The following FLOT1 variants were observed in gnomAD, a reference collection of about 807,000 sequenced individuals.
FLOT1 encodes flotillin 1.
FLOT1 carries 40 observed loss-of-function variants against 58.4 expected under a neutral mutation model. The observed-to-expected ratio is 0.69, with a 90% confidence interval of 0.53 to 0.89. The LOEUF (loss-of-function observed/expected upper bound fraction) is 0.89. FLOT1 is among the 40% of genes least tolerant of loss of function. The pLI, the probability that FLOT1 is intolerant of heterozygous loss-of-function variation, is 0.00. For synonymous variants in FLOT1, 178 were observed against 204.2 expected (o/e 0.87, Z 1.09); for missense variants, 423 against 540.8 (o/e 0.78, Z 2.16).
In FLOT1 at chr6:30,742,399, G is replaced by C. The variant is rs1217889763; in HGVS notation, c.-15+128C>G. ...CCCCAGCTACCTCTTCTCCGCCTGC[G>C]TATGGTCCCTCCCTTCCCCTCGCCG... On this transcript the variant is annotated intron_variant, in intron 1 of 12. Coordinates refer to ENST00000376389, the MANE Select transcript of FLOT1 (RefSeq NM_005803.4). This position sits in a 1 kb window ranked among gnomAD's most constrained non-coding sequence, Gnocchi z 5.2. 1 of 612,358 alleles carries C rather than the reference G, an allele frequency of 1.6e-6. No homozygotes were observed. Among genetic ancestry groups the C allele is most frequent in the Admixed American group, 2.9e-5 (1 of 34,164 alleles). The allele number at this position is 612,358 out of a possible 1,614,324, so 37.9% of individuals were successfully genotyped here. A position where few individuals can be genotyped will look rare whatever the true frequency, so the allele number is the denominator to read the frequency against.
chr6:30,727,859 A>C lies in FLOT1; in HGVS notation c.*257T>G, dbSNP rs1306800504. 2.2e-5 allele frequency: 13 copies of C among 590,970 alleles called. No homozygotes were observed. The Admixed American group carries it at 3.8e-4, about 17-fold the overall frequency. The allele number at this position is 590,970 out of a possible 1,614,324, so 36.6% of individuals were successfully genotyped here. On this transcript the variant is annotated 3_prime_UTR_variant, in exon 13 of 13. Coordinates refer to ENST00000376389, the MANE Select transcript of FLOT1 (RefSeq NM_005803.4). ...ACAGTCTGATTTAATTAGGAAGTTAAATAAGTTGAGGTGGGGTGGAGTGGG... is the reference window on the plus strand; with the variant it reads ...ACAGTCTGATTTAATTAGGAAGTTACATAAGTTGAGGTGGGGTGGAGTGGG...
rs113905298 is a variant in FLOT1, at chr6:30,728,988, C to T, written c.1255-843G>A. Among the ~76,000 whole-genome samples, 469 of 152,020 alleles carry T rather than the reference C, an allele frequency of 3.1e-3. 2 individuals carry two copies. The highest frequency in any genetic ancestry group is 0.01 in the African/African-American group (424 of 41,454). ...AGAGACGGGGTTTCACTGTGTTAGCCAGGATGGTCTCAATCTCCTGACCTC... is the reference window on the plus strand; with the variant it reads ...AGAGACGGGGTTTCACTGTGTTAGCTAGGATGGTCTCAATCTCCTGACCTC... On this transcript the variant is annotated intron_variant, in intron 12 of 12. Transcript: ENST00000376389.
rs1215746376 is a variant in FLOT1, at chr6:30,741,303, A to G, written c.241T>C (p.Leu81=). The G allele has an allele frequency of 3.1e-6, 5 of 1,613,096 alleles. No homozygotes were observed. The highest frequency in any genetic ancestry group is 4.2e-6 in the Non-Finnish European group (5 of 1,180,030). The change falls in exon 5 of 13, where the codon TTG becomes CTG. Residue 81 remains leucine, a synonymous_variant. Transcript: ENST00000376389. The surrounding 1 kb of genome is among the most constrained non-coding windows in gnomAD (Gnocchi z 5.9). ...AGGAACATCTGACAGGCGGCCGCCAACATCTCCTTGTTCTGCCCCTGGATT... is the reference window on the plus strand; with the variant it reads ...AGGAACATCTGACAGGCGGCCGCCAGCATCTCCTTGTTCTGCCCCTGGATT... ...VKIQGQNKEM[L]AAACQMFLGK...
In FLOT1 at chr6:30,727,922, A is replaced by C; in HGVS notation, c.*194T>G. On this transcript the variant is annotated 3_prime_UTR_variant, in exon 13 of 13. Coordinates refer to ENST00000376389, the MANE Select transcript of FLOT1 (RefSeq NM_005803.4). ...CTGACATGGGACCGCTGGAGTTGGC[A>C]ATCATAGCAGTGTGAGGTTGGCAAG... 1 of 631,304 alleles carries C rather than the reference A, an allele frequency of 1.6e-6. No homozygotes were observed. Among genetic ancestry groups the C allele is most frequent in the South Asian group, 1.8e-5 (1 of 55,824 alleles). 39.1% of individuals were successfully genotyped at this position (631,304 alleles called of 1,614,324 possible).
Position 30,731,045 on chromosome 6 carries a change from T to C in FLOT1, c.779A>G (p.Glu260Gly), listed in dbSNP as rs760889017. The C allele has an allele frequency of 6.2e-7, 1 of 1,611,688 alleles. No individual in the cohort carries two copies. Among genetic ancestry groups the C allele is most frequent in the Non-Finnish European group, 8.5e-7 (1 of 1,179,904 alleles). Residue 260 changes from glutamate (E) to glycine (G), a missense_variant, in exon 9 of 13, where the codon GAG becomes GGG. This residue lies in a region of FLOT1 where 137 missense variants were observed against 194.6 expected (regional missense o/e 0.70). Coordinates refer to ENST00000376389, the MANE Select transcript of FLOT1 (RefSeq NM_005803.4). Reference sequence around the variant, plus strand: ...CTGCACTGCCACCTGCTGGGCCCGCTCCACCACCTGCACCTGCACCCGCTG... The same window carrying C: ...CTGCACTGCCACCTGCTGGGCCCGCCCCACCACCTGCACCTGCACCCGCTG... ...EEQRVQVQVVERAQQVAVQEQ... is the reference protein window; with the variant it reads ...EEQRVQVQVVGRAQQVAVQEQ...
At chr6:30,740,965 G>A in intron 5 of FLOT1, 167 bp from the exon 6 acceptor site, 1 of 1,160,844 alleles carries the variant, frequency 8.6e-7, no homozygotes, top group African/African-American at 1.6e-5. Context: ...TTTTGTATTT[G>A]TAGTAGAGAA....
rs1352246827 is a variant in FLOT1 at position 30,737,118 on chromosome 6, CCT to C, written c.723+3038_723+3039del. ...ACCAGCGCCCCCAGATCAGAAACCT[CCT>C]TTCTGACTCCACCTCACAGCCTTTG... On this transcript the variant is annotated intron_variant, in intron 8 of 12. Coordinates refer to ENST00000376389, the MANE Select transcript of FLOT1 (RefSeq NM_005803.4). The surrounding 1 kb of genome is among the most constrained non-coding windows in gnomAD (Gnocchi z 4.4). Among the ~76,000 whole-genome samples the C allele has an allele frequency of 6.6e-6, 1 of 152,054 alleles. No homozygotes were observed. Among genetic ancestry groups the C allele is most frequent in the Non-Finnish European group, 1.5e-5 (1 of 68,010 alleles).
chr6:30,728,328 TGAAGA>T (rs937448671), intron 12 of FLOT1, among the ~76,000 whole-genome samples, 183 bp from the exon 13 acceptor site: 1 of 152,068 alleles, frequency 6.6e-6, no homozygotes, highest in Non-Finnish European at 1.5e-5. Flanking sequence ...AATAAATCAC[TGAAGA>T]GAGGAGAGGG....
chr6:30,730,565 T>C lies in FLOT1; in HGVS notation c.952A>G (p.Met318Val). ...GCAAAGGCCTCAGCTTCCCCACGCA[T>C]CTGAGGGTTAAGGATGCTTGTGAGA... Reference protein sequence around the residue: ...QAEAEAASVRMRGEAEAFAIG... With the variant: ...QAEAEAASVRVRGEAEAFAIG... The change falls in exon 11 of 13, where the codon ATG becomes GTG. Residue 318 changes from methionine to valine, a missense_variant and splice_region_variant. By Grantham distance (21) the Met-to-Val change is conservative. This residue lies in a region of FLOT1 where 106 missense variants were observed against 88.4 expected (regional missense o/e 1.20). Transcript: ENST00000376389. The C allele has an allele frequency of 1.2e-6, 2 of 1,612,196 alleles. No homozygotes were observed. The highest frequency in any genetic ancestry group is 2.2e-5 in the East Asian group (1 of 44,844).
intron 8 of FLOT1, chr6:30,736,396 C>G (rs1777566713): frequency 6.6e-6 from 1 of 150,820 alleles, no homozygotes; most frequent in Admixed American, 6.6e-5. Flanking sequence ...TGAGATAACT[C>G]ACTACCTTTG....
intron 8 of FLOT1, among the ~76,000 whole-genome samples, chr6:30,736,581 A>G (rs190399623): frequency 6.6e-6 from 1 of 150,652 alleles, no homozygotes; most frequent in East Asian, 2.0e-4. Flanking sequence ...TCTCTGAAAA[A>G]GAGCCCAACT....
In FLOT1 at chr6:30,737,238, G is replaced by GTCCATCCATCCATCCATCCA. The variant is rs1347649821; in HGVS notation, c.723+2919_723+2920insTGGATGGATGGATGGATGGA. Among the ~76,000 whole-genome samples, 197 of 129,758 alleles carry GTCCATCCATCCATCCATCCA rather than the reference G, an allele frequency of 1.5e-3. 1 individual carries two copies. The highest frequency in any genetic ancestry group is 2.1e-3 in the Non-Finnish European group (132 of 62,902). 85.1% of individuals were successfully genotyped at this position (129,758 alleles called of 152,430 possible). A position where few individuals can be genotyped will look rare whatever the true frequency, so the allele number is the denominator to read the frequency against. ...CGTCCGTCCGTCCGTCCGTCCGTCCGTCCGTCCGTCCATCCGTCCATCCAT... is the reference window on the plus strand; with the variant it reads ...CGTCCGTCCGTCCGTCCGTCCGTCCGTCCATCCATCCATCCATCCATCCGTCCGTCCATCCGTCCATCCAT... On this transcript the variant is annotated intron_variant, in intron 8 of 12. Transcript: ENST00000376389. This position sits in a 1 kb window ranked among gnomAD's most constrained non-coding sequence, Gnocchi z 4.4.
At chr6:30,730,842 G>A (rs1444860210) in intron 9 of FLOT1, 77 bp downstream of exon 9, 2 of 1,599,372 alleles carry the variant, frequency 1.3e-6, no homozygotes, top group African/African-American at 1.3e-5. Context: ...GAGTCCAGGT[G>A]GTGAAGGCTT....
intron 8 of FLOT1, among the ~76,000 whole-genome samples, chr6:30,732,919 T>A (rs941541851): frequency 3.3e-5 from 5 of 152,212 alleles, no homozygotes; most frequent in Admixed American, 3.3e-4. Flanking sequence ...ACCATTTGTC[T>A]GTTTCTTTTT....
Position 30,737,784 on chromosome 6 carries a change from A to AT in FLOT1, c.723+2373dup, listed in dbSNP as rs2127776082. On this transcript the variant is annotated intron_variant, in intron 8 of 12. Coordinates refer to ENST00000376389, the MANE Select transcript of FLOT1 (RefSeq NM_005803.4). The surrounding 1 kb of genome is among the most constrained non-coding windows in gnomAD (Gnocchi z 4.4). Reference sequence around the variant, plus strand: ...ACAAGAATTATAGCCTGGGAAGGTCATTTACTTGCTTACTAGCTGTTTCCT... The same window carrying AT: ...ACAAGAATTATAGCCTGGGAAGGTCATTTTACTTGCTTACTAGCTGTTTCCT... 6.6e-6 allele frequency among the ~76,000 whole-genome samples: 1 copy of AT among 152,240 alleles called. No homozygotes were observed. Among genetic ancestry groups the AT allele is most frequent in the African/African-American group, 2.4e-5 (1 of 41,550 alleles).
intron 8 of FLOT1, among the ~76,000 whole-genome samples, chr6:30,732,986 A>G (rs1777305453): frequency 6.6e-6 from 1 of 152,066 alleles, no homozygotes; most frequent in Non-Finnish European, 1.5e-5. Context: ...CTTCCTCAGA[A>G]AGAATATAAA....
chr6:30,741,080 C>T lies in FLOT1; in HGVS notation c.354+110G>A. 7.3e-7 allele frequency: 1 copy of T among 1,364,684 alleles called. No homozygotes were observed. 84.5% of individuals were successfully genotyped at this position (1,364,684 alleles called of 1,614,324 possible). ...GGGATTACAGGCATGAACCACCCTG[C>T]CCGGCCGGGATGTATGCTCTTGGAT... On this transcript the variant is annotated intron_variant, in intron 5 of 12. Coordinates refer to ENST00000376389, the MANE Select transcript of FLOT1 (RefSeq NM_005803.4). The surrounding 1 kb of genome is among the most constrained non-coding windows in gnomAD (Gnocchi z 5.9).
At chr6:30,728,565 G>A (rs1264487101) in intron 12 of FLOT1, among the ~76,000 whole-genome samples, 1 of 151,470 alleles carries the variant, frequency 6.6e-6, no homozygotes, top group African/African-American at 2.4e-5. Flanking sequence ...CGCCTCCTGA[G>A]TTCAAGTGAT....
At chr6:30,740,856 T>G (rs541425313) in intron 5 of FLOT1, 58 bp from the exon 6 acceptor site, 67,760 of 1,519,676 alleles carry the variant, frequency 0.045, 2,500 homozygotes, top group African/African-American at 0.16. Context: ...TTTTTTTTTT[T>G]GCTCACTGCA....
Sources: gnomAD v4.1 joint callset for allele counts (sites outside exome capture counted in the v4.1 genomes callset) on GRCh38, gnomAD v4.1.1 for gene constraint, gnomAD v4.1.1 regional missense constraint, Gnocchi (gnomAD v3.1) non-coding constraint, MANE v1.5 for transcripts, NCBI Gene and HGNC (gene_info 2026-07-23, HGNC 2026-07-21) for gene names.